The following CBFA2T3 variants were observed in gnomAD, a reference collection of about 807,000 sequenced individuals.
CBFA2T3 encodes the protein transcriptional corepressor CBFA2T3.
In CBFA2T3, 31 loss-of-function variants were observed where a neutral mutation model predicts 58.6. That is an observed-to-expected ratio of 0.53 (90% CI 0.40 to 0.71). CBFA2T3 has a LOEUF of 0.71. CBFA2T3 is among the 30% of genes least tolerant of loss of function. The pLI, the probability that CBFA2T3 is intolerant of heterozygous loss-of-function variation, is 0.00. For synonymous variants in CBFA2T3, 531 were observed against 421.9 expected (o/e 1.26, Z -3.17); for missense variants, 1,076 against 963.1 (o/e 1.12, Z -1.55).
At chr16:88,890,859 G>A (rs560878434) in intron 5 of CBFA2T3, among the ~76,000 whole-genome samples, 2 of 152,288 alleles carry the variant, frequency 1.3e-5, no homozygotes, top group South Asian at 2.1e-4. Flanking sequence ...TGGGATCATA[G>A]GTGCATACAA....
chr16:88,877,010 C>G lies in CBFA2T3; in HGVS notation c.1928G>C (p.Ser643Thr), dbSNP rs1334253568. 2.0e-6 allele frequency: 3 copies of G among 1,473,608 alleles called. No individual in the cohort carries two copies. The highest frequency in any genetic ancestry group is 2.7e-6 in the Non-Finnish European group (3 of 1,117,282). The allele number at this position is 1,473,608 out of a possible 1,614,324, so 91.3% of individuals were successfully genotyped here. The part of the protein sequence containing the change: ...SAGPSRPGSP[S>T]PPGPLDTVPR ...CACGGTGTCCAGTGGGCCAGGTGGG[C>G]TGGGGGAGCCGGGGCGAGAAGGCCC... The change falls in exon 12 of 12, where the codon AGC becomes ACC. Residue 643 changes from serine (S) to threonine (T), a missense_variant. Transcript: ENST00000268679.
Position 88,913,657 on chromosome 16 carries a change from C to T in CBFA2T3, c.152-12001G>A, listed in dbSNP as rs181070969. Reference sequence around the variant, plus strand: ...CATTCCTCCGTGGGGGGGTCTCAGCCGGGACCAGCAATTCCACCTTCAGGA... The same window carrying T: ...CATTCCTCCGTGGGGGGGTCTCAGCTGGGACCAGCAATTCCACCTTCAGGA... On this transcript the variant is annotated intron_variant, in intron 1 of 11. Transcript: ENST00000268679. Among the ~76,000 whole-genome samples, 28 of 152,274 alleles carry T rather than the reference C, an allele frequency of 1.8e-4. No homozygotes were observed. The East Asian group carries it at 2.3e-3, about 13-fold the overall frequency.
At chr16:88,898,780 T>G (rs1381218629) in intron 2 of CBFA2T3, among the ~76,000 whole-genome samples, 1 of 152,154 alleles carries the variant, frequency 6.6e-6, no homozygotes, top group Non-Finnish European at 1.5e-5. Context: ...CCCAGCACTT[T>G]GGGAGGCTGA....
intron 1 of CBFA2T3, among the ~76,000 whole-genome samples, chr16:88,924,302 G>A (rs1056991223): frequency 6.6e-6 from 1 of 152,234 alleles, no homozygotes; most frequent in African/African-American, 2.4e-5. Flanking sequence ...CACACTGCGT[G>A]CCTTCAGGAC....
At chr16:88,881,172 T>C (rs781399067) in intron 9 of CBFA2T3, 119 bp downstream of exon 9, 3 of 953,778 alleles carry the variant, frequency 3.1e-6, no homozygotes, top group South Asian at 1.4e-5. Context: ...AAGGTGCCTC[T>C]TTCTCAAGCG....
At chr16:88,905,125 A>G (rs1970256730) in intron 1 of CBFA2T3, among the ~76,000 whole-genome samples, 1 of 152,058 alleles carries the variant, frequency 6.6e-6, no homozygotes, top group African/African-American at 2.4e-5. Context: ...GGGACCTGGG[A>G]AGGAGGGGGG....
chr16:88,974,212 G>C (rs1413373733), intron 1 of CBFA2T3, among the ~76,000 whole-genome samples: 1 of 152,204 alleles, frequency 6.6e-6, no homozygotes, highest in Non-Finnish European at 1.5e-5. Context: ...CTTCTGCAAA[G>C]TGGGCTTGGG....
chr16:88,903,724 C>T (rs1289337566), intron 1 of CBFA2T3, among the ~76,000 whole-genome samples: 1 of 148,832 alleles, frequency 6.7e-6, no homozygotes, highest in Non-Finnish European at 1.5e-5. Context: ...GCAGCCCTTC[C>T]AGACCAGGCT....
chr16:88,960,311 G>A (rs528309741), intron 1 of CBFA2T3, among the ~76,000 whole-genome samples: 2 of 152,344 alleles, frequency 1.3e-5, no homozygotes, highest in East Asian at 3.9e-4. Flanking sequence ...CACCTGCTCT[G>A]CTGAACTCAC....
intron 5 of CBFA2T3, 182 bp from the exon 6 acceptor site, chr16:88,886,324 G>C (rs947654339): frequency 4.6e-6 from 2 of 431,948 alleles, no homozygotes; most frequent in Admixed American, 3.9e-5. Flanking sequence ...GGAGGGTGGC[G>C]TGGGAGGGTG....
intron 1 of CBFA2T3, among the ~76,000 whole-genome samples, chr16:88,916,438 G>A (rs1183338066): frequency 1.3e-5 from 2 of 152,158 alleles, no homozygotes; most frequent in African/African-American, 4.8e-5. Flanking sequence ...CCGTGTGTGT[G>A]TGCACTCACG....
At chr16:88,893,306 C>T (rs1009892117) in intron 3 of CBFA2T3, among the ~76,000 whole-genome samples, 1 of 147,842 alleles carries the variant, frequency 6.8e-6, no homozygotes, top group East Asian at 1.9e-4. Flanking sequence ...TGTGCCCCCC[C>T]CGACACACAG....
intron 3 of CBFA2T3, among the ~76,000 whole-genome samples, chr16:88,893,745 T>G (rs1010623831): frequency 1.3e-5 from 2 of 152,184 alleles, no homozygotes; most frequent in African/African-American, 4.8e-5. Flanking sequence ...GACATGGGGC[T>G]GCTATGGAAA....
intron 1 of CBFA2T3, among the ~76,000 whole-genome samples, chr16:88,965,795 T>C (rs997204704): frequency 1.2e-4 from 18 of 152,196 alleles, no homozygotes; most frequent in African/African-American, 4.3e-4. Context: ...GAGGCTGCTT[T>C]GTAAGCAATT....
At chr16:88,882,988 C>T (rs1969190460) in intron 7 of CBFA2T3, among the ~76,000 whole-genome samples, 1 of 152,220 alleles carries the variant, frequency 6.6e-6, no homozygotes, top group Non-Finnish European at 1.5e-5. Context: ...ACACGGCACA[C>T]GCCTCCAAGG....
intron 10 of CBFA2T3, chr16:88,879,822 C>A: frequency 4.3e-6 from 1 of 231,414 alleles, no homozygotes; most frequent in Admixed American, 5.3e-5. Context: ...GCGAGGCCCA[C>A]CCCAGGGCCT....
intron 3 of CBFA2T3, among the ~76,000 whole-genome samples, chr16:88,897,413 G>A (rs1291062179): frequency 1.3e-5 from 2 of 152,242 alleles, no homozygotes; most frequent in African/African-American, 4.8e-5. Flanking sequence ...ATGGGCTCAA[G>A]CATGGCTGCA....
chr16:88,964,816 A>G (rs1016265436), intron 1 of CBFA2T3, among the ~76,000 whole-genome samples: 3 of 149,370 alleles, frequency 2.0e-5, no homozygotes, highest in Admixed American at 6.7e-5. Flanking sequence ...TCACCCATCT[A>G]TTCATCCATC....
chr16:88,966,942 A>C (rs1342663823), intron 1 of CBFA2T3, among the ~76,000 whole-genome samples: 1 of 152,204 alleles, frequency 6.6e-6, no homozygotes, highest in Non-Finnish European at 1.5e-5. Flanking sequence ...ATCACACTCT[A>C]GTCCCTGTGG....
Sources: gnomAD v4.1 joint callset for allele counts (sites outside exome capture counted in the v4.1 genomes callset) on GRCh38, gnomAD v4.1.1 for gene constraint, MANE v1.5 for transcripts, NCBI Gene and HGNC (gene_info 2026-07-23, HGNC 2026-07-21) for gene names.